The following ZNF43 variants were observed in gnomAD, a reference collection of about 807,000 sequenced individuals.
ZNF43 encodes zinc finger protein 39-like 1 (KOX 27).
Under a neutral mutation model 68.4 loss-of-function variants are expected in ZNF43, and 44 were observed. The ratio of observed to expected loss-of-function variants is 0.64; its 90% confidence interval spans 0.51 to 0.83. The LOEUF (loss-of-function observed/expected upper bound fraction) is 0.83, where lower values mean the gene tolerates loss of function less well. Ranked by LOEUF, ZNF43 falls within the 40% of genes least tolerant of loss-of-function variation. The pLI, the probability that ZNF43 is intolerant of heterozygous loss-of-function variation, is 0.00. For missense variants in ZNF43, 896 were observed against 933.2 expected, an observed-to-expected ratio of 0.96 and a Z score of 0.52; for synonymous variants, 308 against 307.8, an observed-to-expected ratio of 1.00 and a Z score of -0.01.
chr19:21,825,426 A>G (rs533250966), intron 1 of ZNF43, among the ~76,000 whole-genome samples: 31 of 152,340 alleles, frequency 2.0e-4, no homozygotes, highest in African/African-American at 6.3e-4. Flanking sequence ...AGATAAATAC[A>G]TAGTTCAAAG....
chr19:21,850,463 G>A (rs1409136249), intron 1 of ZNF43, among the ~76,000 whole-genome samples: 1 of 152,186 alleles, frequency 6.6e-6, no homozygotes, highest in Admixed American at 6.5e-5. Context: ...AGGAGACTGA[G>A]GCAGGAGAAT....
chr19:21,837,415 CTTTTTTTTTTTTTTTTTT>C (rs539940868), upstream of ZNF43, among the ~76,000 whole-genome samples: 1 of 83,958 alleles, frequency 1.2e-5, no homozygotes, highest in East Asian at 3.0e-4. Context: ...CCTACACTTA[CTTTTTTTTTTTTTTTTTT>C]TTTTTTTTTG....
rs2036892223 is a variant in ZNF43, at chr19:21,805,416, A to C, written c.*2191T>G. 6.6e-6 allele frequency: 1 copy of C among 152,172 alleles called. No homozygotes were observed. The highest frequency in any genetic ancestry group is 6.6e-5 in the Admixed American group (1 of 15,240). 9.4% of individuals were successfully genotyped at this position (152,172 alleles called of 1,614,324 possible). A position where few individuals can be genotyped will look rare whatever the true frequency, so the allele number is the denominator to read the frequency against. On this transcript the variant is annotated 3_prime_UTR_variant, in exon 4 of 4. Coordinates refer to ENST00000354959, the MANE Select transcript of ZNF43 (RefSeq NM_003423.4). ...GAGGTGGGGGTTGCAGTGAGCCAAG[A>C]TCATGCCACTGTACTCCAGCCTGGG...
intron 1 of ZNF43, among the ~76,000 whole-genome samples, chr19:21,831,011 A>G (rs1018741866): frequency 6.6e-6 from 1 of 152,212 alleles, no homozygotes; most frequent in South Asian, 2.1e-4. Flanking sequence ...CCACAAGATT[A>G]TCTCAATAGA....
intron 1 of ZNF43, among the ~76,000 whole-genome samples, chr19:21,850,187 G>A (rs778203539): frequency 6.6e-6 from 1 of 152,186 alleles, no homozygotes; most frequent in Non-Finnish European, 1.5e-5. Context: ...AATTTTTCCT[G>A]TAGGCAGAGT....
At chr19:21,831,517 C>T (rs547588102) in intron 1 of ZNF43, among the ~76,000 whole-genome samples, 12 of 152,118 alleles carry the variant, frequency 7.9e-5, no homozygotes, top group African/African-American at 2.2e-4. Flanking sequence ...CACACAACAA[C>T]GCCTAGCTAA....
Position 21,817,890 on chromosome 19 carries a change from G to A in ZNF43, c.227C>T (p.Pro76Leu). The A allele has an allele frequency of 6.2e-7, 1 of 1,612,210 alleles. No individual in the cohort carries two copies. Among genetic ancestry groups the A allele is most frequent in the Non-Finnish European group, 8.5e-7 (1 of 1,178,660 alleles). ...TATTCACTTTCACTCTCACCTACCT[G>A]GGGGTTTGGCTACCATTTCATGTCT... ...MRRHEMVAKP[P>L]VMCSHFTQDF... is the part of the protein sequence containing the mutation. The change falls in exon 3 of 4, where the codon CCA (proline) becomes CTA (leucine). Residue 76 changes from proline to leucine, a missense_variant and splice_region_variant. Transcript: ENST00000354959.
At chr19:21,842,422 A>C (rs981693476) in intron 1 of ZNF43, among the ~76,000 whole-genome samples, 1 of 144,986 alleles carries the variant, frequency 6.9e-6, no homozygotes, top group African/African-American at 2.6e-5. Context: ...AAAAAAAAAA[A>C]CAATAAAATA....
intron 1 of ZNF43, among the ~76,000 whole-genome samples, chr19:21,820,830 ATT>A (rs750258211): frequency 0.051 from 6,541 of 128,612 alleles, 185 homozygotes; most frequent in South Asian, 0.15. Flanking sequence ...ATGTTCTGTA[ATT>A]TTTTTTTTTT....
chr19:21,848,067 G>A (rs1314641735), intron 1 of ZNF43, among the ~76,000 whole-genome samples: 2 of 151,706 alleles, frequency 1.3e-5, no homozygotes, highest in Non-Finnish European at 2.9e-5. Flanking sequence ...TGATGCACCC[G>A]CCTCAGCCTT....
At chr19:21,850,321 G>C (rs549550580) in intron 1 of ZNF43, among the ~76,000 whole-genome samples, 1 of 149,110 alleles carries the variant, frequency 6.7e-6, no homozygotes, top group African/African-American at 2.5e-5. Context: ...CCAGCACTTC[G>C]GGAGGCCGAA....
chr19:21,833,392 G>T (rs186106003), intron 1 of ZNF43, among the ~76,000 whole-genome samples: 1 of 151,872 alleles, frequency 6.6e-6, no homozygotes, highest in Admixed American at 6.6e-5. Context: ...TCTGCCTCCC[G>T]AAGTAGCTGG....
Position 21,809,195 on chromosome 19 carries a change from G to A in ZNF43, c.842C>T (p.Thr281Ile). ...TTTACATTTGTAGAATTTCTCTCCA[G>A]TGCGAATTATCTTATGGGTAGTAAG... ...SILTTHKIIRTGEKFYKCKEC... is the reference protein window; with the variant it reads ...SILTTHKIIRIGEKFYKCKEC... The change falls in exon 4 of 4, where the codon ACT becomes ATT. Residue 281 changes from threonine (T) to isoleucine (I), a missense_variant. Transcript: ENST00000354959. 6.2e-7 allele frequency: 1 copy of A among 1,613,340 alleles called. No homozygotes were observed. The highest frequency in any genetic ancestry group is 8.5e-7 in the Non-Finnish European group (1 of 1,179,736).
chr19:21,847,990 T>C (rs1028425449), intron 1 of ZNF43, among the ~76,000 whole-genome samples: 3 of 149,750 alleles, frequency 2.0e-5, no homozygotes, highest in Non-Finnish European at 4.5e-5. Context: ...GCCCGGCTAA[T>C]TTTTGTATTT....
chr19:21,819,338 T>C (rs2037686878), intron 1 of ZNF43, 117 bp from the exon 2 acceptor site: 2 of 1,127,144 alleles, frequency 1.8e-6, no homozygotes, highest in Admixed American at 2.9e-5. Flanking sequence ...TACTGACTTA[T>C]AGAAGAGACT....
At chr19:21,814,136 A>C (rs958475931) in intron 3 of ZNF43, among the ~76,000 whole-genome samples, 1 of 152,160 alleles carries the variant, frequency 6.6e-6, no homozygotes, top group African/African-American at 2.4e-5. Flanking sequence ...ATTAAAAAAA[A>C]ACAAAAAAAT....
intron 1 of ZNF43, among the ~76,000 whole-genome samples, chr19:21,848,273 A>G (rs1968102350): frequency 1.3e-5 from 2 of 152,084 alleles, no homozygotes; most frequent in African/African-American, 4.8e-5. Flanking sequence ...CCTCCCAAGT[A>G]GCTGGGATTA....
rs1371954878 is a variant in ZNF43 at position 21,808,526 on chromosome 19, T to C, written c.1511A>G (p.His504Arg). The change falls in exon 4 of 4, where the codon CAC becomes CGC. Residue 504 changes from histidine (H) to arginine (R), a missense_variant. Physicochemically the swap from His to Arg is conservative, Grantham distance 29 (BLOSUM62 0). Coordinates refer to ENST00000354959, the MANE Select transcript of ZNF43 (RefSeq NM_003423.4). ...ACATTTGTAGGGTTTCTTTTCAATG[T>C]GAATTTTCTTATGTTTAGTAAGGTT... is the stretch of plus-strand genomic sequence containing the variant. ...SSNLTKHKKI[H>R]IEKKPYKCEE... 2.5e-6 allele frequency: 4 copies of C among 1,613,172 alleles called. No individual in the cohort carries two copies. The highest frequency in any genetic ancestry group is 4.5e-5 in the East Asian group (2 of 44,810).
At chr19:21,814,186 CAA>C (rs2037410332) in intron 3 of ZNF43, among the ~76,000 whole-genome samples, 2 of 151,536 alleles carry the variant, frequency 1.3e-5, no homozygotes, top group South Asian at 4.2e-4. Context: ...CCTCAAATTA[CAA>C]AAGTGTTTCT....
Sources: gnomAD v4.1 joint callset for allele counts (sites outside exome capture counted in the v4.1 genomes callset) on GRCh38, gnomAD v4.1.1 for gene constraint, MANE v1.5 for transcripts, NCBI Gene and HGNC (gene_info 2026-07-23, HGNC 2026-07-21) for gene names.